Variants in RASAL2 observed in about 807,000 individuals in gnomAD.
RASAL2 encodes the protein RAS protein activator like 2.
Under a neutral mutation model 128.9 loss-of-function variants are expected in RASAL2, and 58 were observed. The ratio of observed to expected loss-of-function variants is 0.45; its 90% confidence interval spans 0.36 to 0.56. The LOEUF is 0.56. Among genes scored for constraint, RASAL2 ranks in the 20% least tolerant of loss-of-function variants. The pLI, the probability that RASAL2 is intolerant of heterozygous loss-of-function variation, is 0.00. For missense variants in RASAL2, 1,360 were observed against 1,601.6 expected (o/e 0.85, Z 2.57); for synonymous variants, 561 against 580.8 (o/e 0.97, Z 0.49).
rs576859344 is a variant in RASAL2 at position 178,458,262 on chromosome 1, G to A, written c.2970G>A (p.Thr990=). 134 of 1,614,238 alleles carry A rather than the reference G, an allele frequency of 8.3e-5. 3 individuals carry two copies. The South Asian group carries it at 1.2e-3, about 15-fold the overall frequency. Residue 990 remains threonine (T), a synonymous_variant, in exon 14 of 18, where the codon ACG becomes ACA. Transcript: ENST00000367649. Reference sequence around the variant, plus strand: ...GTGAGGACTTCTCCAGGCGGCACACGGTGCCAGATAGACACATACCTCTTG... The same window carrying A: ...GTGAGGACTTCTCCAGGCGGCACACAGTGCCAGATAGACACATACCTCTTG... ...TQSEDFSRRH[T]VPDRHIPLAL...
At chr1:178,410,952 A>G (rs1674330409) in intron 4 of RASAL2, among the ~76,000 whole-genome samples, 1 of 152,216 alleles carries the variant, frequency 6.6e-6, no homozygotes, top group Non-Finnish European at 1.5e-5. Context: ...CACTATGGAA[A>G]ACAGTATAGA....
intron 3 of RASAL2, among the ~76,000 whole-genome samples, chr1:178,341,928 C>A (rs1434586810): frequency 6.6e-6 from 1 of 152,150 alleles, no homozygotes; most frequent in Non-Finnish European, 1.5e-5. Context: ...TATTCTGGAT[C>A]TTTCTTAAAA....
intron 4 of RASAL2, among the ~76,000 whole-genome samples, chr1:178,406,855 CATA>C (rs1043745185): frequency 8.2e-4 from 125 of 151,594 alleles, no homozygotes; most frequent in African/African-American, 2.9e-3. Flanking sequence ...CATAATGTAG[CATA>C]ATGACATTAA....
intron 4 of RASAL2, among the ~76,000 whole-genome samples, chr1:178,395,726 A>T (rs1478962041): frequency 6.6e-6 from 1 of 150,670 alleles, no homozygotes; most frequent in African/African-American, 2.5e-5. Flanking sequence ...TGGAGTTAAA[A>T]TCCATAATAG....
intron 1 of RASAL2, among the ~76,000 whole-genome samples, chr1:178,188,838 C>T (rs1382013272): frequency 1.3e-5 from 2 of 151,966 alleles, no homozygotes; most frequent in Non-Finnish European, 1.5e-5. Flanking sequence ...GGTGATGAAC[C>T]ACAGGAGTCA....
At chr1:178,324,481 A>G (rs1166657261) in intron 3 of RASAL2, among the ~76,000 whole-genome samples, 1 of 151,432 alleles carries the variant, frequency 6.6e-6, no homozygotes, top group Non-Finnish European at 1.5e-5. Context: ...GTATCTTGTG[A>G]CTTTGCCCAT....
chr1:178,261,562 C>T (rs577245294), intron 1 of RASAL2, among the ~76,000 whole-genome samples: 32 of 152,186 alleles, frequency 2.1e-4, no homozygotes, highest in Admixed American at 9.8e-4. Flanking sequence ...CCAGGAAATG[C>T]ACATAAGTGC....
At chr1:178,235,722 G>A (rs1664204066) in intron 1 of RASAL2, among the ~76,000 whole-genome samples, 1 of 152,206 alleles carries the variant, frequency 6.6e-6, no homozygotes, top group African/African-American at 2.4e-5. Context: ...CTGTGCAGAG[G>A]TCTCCTTTTC....
At chr1:178,381,535 A>G (rs1672286816) in intron 3 of RASAL2, among the ~76,000 whole-genome samples, 1 of 151,996 alleles carries the variant, frequency 6.6e-6, no homozygotes, top group Non-Finnish European at 1.5e-5. Context: ...GTGCATATTT[A>G]GTTCTTGGTA....
chr1:178,154,011 C>G (rs1571553994), intron 1 of RASAL2, among the ~76,000 whole-genome samples: 1 of 151,666 alleles, frequency 6.6e-6, no homozygotes, highest in Non-Finnish European at 1.5e-5. Context: ...AATTTTTGTA[C>G]TTTTATTAGA....
intron 1 of RASAL2, among the ~76,000 whole-genome samples, chr1:178,265,578 G>C (rs572154110): frequency 2.6e-5 from 4 of 152,172 alleles, no homozygotes; most frequent in Non-Finnish European, 4.4e-5. Context: ...GGAGATTGAG[G>C]TTCAATTAGG....
chr1:178,146,146 CTTT>C, intron 1 of RASAL2, among the ~76,000 whole-genome samples: 1 of 152,176 alleles, frequency 6.6e-6, no homozygotes, highest in East Asian at 1.9e-4. Flanking sequence ...AGCAAGGTGT[CTTT>C]TATAAATTCC....
intron 4 of RASAL2, among the ~76,000 whole-genome samples, chr1:178,396,707 T>C (rs1164571842): frequency 1.3e-5 from 2 of 152,070 alleles, no homozygotes; most frequent in African/African-American, 4.8e-5. Flanking sequence ...ATTTTTAAAA[T>C]GCTTTGTTTC....
intron 3 of RASAL2, among the ~76,000 whole-genome samples, chr1:178,379,417 A>C (rs891248318): frequency 3.4e-5 from 5 of 146,602 alleles, no homozygotes; most frequent in African/African-American, 1.2e-4. Flanking sequence ...AGGGGAGGGG[A>C]GGGAAGGAAG....
At chr1:178,354,043 G>A (rs995320383) in intron 3 of RASAL2, among the ~76,000 whole-genome samples, 1 of 151,970 alleles carries the variant, frequency 6.6e-6, no homozygotes, top group Non-Finnish European at 1.5e-5. Flanking sequence ...ACACACATCA[G>A]CTACTTTTAT....
chr1:178,254,777 C>T (rs1006807392), intron 1 of RASAL2, among the ~76,000 whole-genome samples: 1 of 152,154 alleles, frequency 6.6e-6, no homozygotes, highest in East Asian at 1.9e-4. Flanking sequence ...GCAGAGAACT[C>T]CCCCAATTTA....
intron 3 of RASAL2, among the ~76,000 whole-genome samples, chr1:178,370,386 GA>G (rs1671632455): frequency 6.6e-6 from 1 of 152,092 alleles, no homozygotes; most frequent in Non-Finnish European, 1.5e-5. Context: ...TATTACAAAG[GA>G]ATTAGCAATC....
chr1:178,174,946 T>C (rs1330170000), intron 1 of RASAL2, among the ~76,000 whole-genome samples: 1 of 152,156 alleles, frequency 6.6e-6, no homozygotes, highest in Admixed American at 6.6e-5. Context: ...CTTACCTAGG[T>C]TGCAAGAAGC....
intron 1 of RASAL2, among the ~76,000 whole-genome samples, chr1:178,268,168 TAAAC>T (rs1239955353): frequency 1.3e-5 from 2 of 151,734 alleles, no homozygotes; most frequent in South Asian, 2.1e-4. Context: ...CAAAATAAAA[TAAAC>T]AAATTAAAAA....
Sources: allele counts gnomAD v4.1 joint callset (sites outside exome capture counted in the v4.1 genomes callset), GRCh38; gene constraint gnomAD v4.1.1; transcripts MANE v1.5; gene names NCBI Gene and HGNC (gene_info 2026-07-23, HGNC 2026-07-21).